Variants in SPOCK1 observed in about 807,000 individuals in gnomAD.
SPOCK1 encodes the protein SPARC (osteonectin), cwcv and kazal like domains proteoglycan 1, also known as testican-1.
SPOCK1 carries 23 observed loss-of-function variants against 55.3 expected under a neutral mutation model. That is an observed-to-expected ratio of 0.42 (90% confidence interval 0.30 to 0.59). The LOEUF (loss-of-function observed/expected upper bound fraction) is 0.59, where lower values mean the gene tolerates loss of function less well. SPOCK1 is among the 20% of genes least tolerant of loss of function. The pLI, the probability that SPOCK1 is intolerant of heterozygous loss-of-function variation, is 0.22. For synonymous variants in SPOCK1, 226 were observed against 221.0 expected (o/e 1.02, Z -0.20); for missense variants, 499 against 552.5 (o/e 0.90, Z 0.97).
intron 2 of SPOCK1, among the ~76,000 whole-genome samples, chr5:137,307,454 G>A (rs145668110): frequency 2.3e-4 from 35 of 152,316 alleles, no homozygotes; most frequent in African/African-American, 7.7e-4. Flanking sequence ...ACCATCATGA[G>A]CCAATTCAAT....
chr5:137,313,157 C>T (rs1054718328), intron 2 of SPOCK1, among the ~76,000 whole-genome samples: 1 of 152,170 alleles, frequency 6.6e-6, no homozygotes, highest in Non-Finnish European at 1.5e-5. Flanking sequence ...CCCAAAAGTG[C>T]CTGAAATTCC....
intron 4 of SPOCK1, among the ~76,000 whole-genome samples, chr5:137,128,080 A>C (rs979146977): frequency 3.9e-5 from 6 of 152,202 alleles, no homozygotes; most frequent in Non-Finnish European, 7.3e-5. Context: ...TAGGTCATGA[A>C]AGTGGAGACC....
chr5:137,457,699 T>C (rs920378547), intron 2 of SPOCK1, among the ~76,000 whole-genome samples: 10 of 152,126 alleles, frequency 6.6e-5, no homozygotes, highest in African/African-American at 2.4e-4. Context: ...GTGAAAGACA[T>C]TGGAGATGCA....
intron 3 of SPOCK1, among the ~76,000 whole-genome samples, chr5:137,251,902 G>A (rs1033207000): frequency 1.3e-4 from 20 of 152,074 alleles, no homozygotes; most frequent in Non-Finnish European, 2.2e-4. Context: ...AATTAGGATC[G>A]TATTCGACAT....
chr5:137,324,279 T>C (rs1758034040), intron 2 of SPOCK1, among the ~76,000 whole-genome samples: 1 of 152,102 alleles, frequency 6.6e-6, no homozygotes, highest in African/African-American at 2.4e-5. Flanking sequence ...ACCCCATCTC[T>C]ACTAAAAATA....
intron 3 of SPOCK1, among the ~76,000 whole-genome samples, chr5:137,158,065 C>T (rs1438938322): frequency 1.3e-5 from 2 of 151,762 alleles, no homozygotes; most frequent in Non-Finnish European, 2.9e-5. Flanking sequence ...TCCATCCCCC[C>T]AAAAAAAAGA....
chr5:136,988,717 G>T, intron 7 of SPOCK1, 74 bp from the exon 8 acceptor site: 5 of 1,421,566 alleles, frequency 3.5e-6, no homozygotes, highest in Non-Finnish European at 4.7e-6. Context: ...CCAGCTTTCT[G>T]CCCCAAGAAG....
intron 5 of SPOCK1, among the ~76,000 whole-genome samples, chr5:137,090,379 C>A (rs1264039536): frequency 2.6e-5 from 4 of 152,180 alleles, no homozygotes; most frequent in African/African-American, 7.2e-5. Context: ...TTACCCTGGG[C>A]TCTGCCTCTG....
intron 2 of SPOCK1, among the ~76,000 whole-genome samples, chr5:137,361,525 G>C (rs992302672): frequency 7.2e-5 from 11 of 152,258 alleles, no homozygotes; most frequent in African/African-American, 2.6e-4. Context: ...GACACTAGAG[G>C]AAATGCTTTA....
chr5:137,269,868 T>A (rs1232288684), intron 2 of SPOCK1, among the ~76,000 whole-genome samples: 1 of 152,108 alleles, frequency 6.6e-6, no homozygotes, highest in Non-Finnish European at 1.5e-5. Flanking sequence ...ATACCAAGGC[T>A]GGGCATTTCA....
intron 5 of SPOCK1, among the ~76,000 whole-genome samples, chr5:137,082,731 G>A (rs879573795): frequency 5.9e-5 from 9 of 152,264 alleles, no homozygotes; most frequent in East Asian, 3.9e-4. Flanking sequence ...GCTGGGCCTC[G>A]GCCCACAGAG....
chr5:137,259,352 A>G (rs1421813377), intron 3 of SPOCK1, among the ~76,000 whole-genome samples: 1 of 152,310 alleles, frequency 6.6e-6, no homozygotes, highest in East Asian at 1.9e-4. Flanking sequence ...ACCTGGATGA[A>G]GCTGGAAACC....
At chr5:137,315,390 G>C (rs1003299011) in intron 2 of SPOCK1, among the ~76,000 whole-genome samples, 8 of 152,164 alleles carry the variant, frequency 5.3e-5, no homozygotes. Context: ...GAGAATACAG[G>C]TTCAGCAAAC....
At chr5:137,439,318 C>T (rs1271771064) in intron 2 of SPOCK1, among the ~76,000 whole-genome samples, 1 of 152,154 alleles carries the variant, frequency 6.6e-6, no homozygotes, top group Non-Finnish European at 1.5e-5. Context: ...CCTTCTCTTG[C>T]CCTAGGCTTC....
chr5:137,137,640 T>C (rs1456663170), intron 4 of SPOCK1, among the ~76,000 whole-genome samples: 2 of 152,148 alleles, frequency 1.3e-5, no homozygotes, highest in Non-Finnish European at 2.9e-5. Flanking sequence ...TTATCAGAAA[T>C]CCCATCATCT....
intron 2 of SPOCK1, among the ~76,000 whole-genome samples, chr5:137,383,646 T>G (rs1008810195): frequency 6.6e-6 from 1 of 152,156 alleles, no homozygotes; most frequent in Non-Finnish European, 1.5e-5. Flanking sequence ...GGCACAGGCT[T>G]TGGCCAAATA....
chr5:137,278,884 C>T (rs1409639005), intron 2 of SPOCK1, among the ~76,000 whole-genome samples: 2 of 152,094 alleles, frequency 1.3e-5, no homozygotes, highest in Admixed American at 1.3e-4. Context: ...CATGAGTCCC[C>T]AGATAGTAGT....
intron 3 of SPOCK1, among the ~76,000 whole-genome samples, chr5:137,192,532 T>G (rs1755203352): frequency 6.6e-6 from 1 of 152,214 alleles, no homozygotes; most frequent in Non-Finnish European, 1.5e-5. Context: ...GGCATCTGCC[T>G]GTGTGGGCTG....
intron 5 of SPOCK1, among the ~76,000 whole-genome samples, chr5:137,071,376 G>A (rs1434280203): frequency 6.6e-6 from 1 of 152,156 alleles, no homozygotes; most frequent in Non-Finnish European, 1.5e-5. Flanking sequence ...AAAACTGGCA[G>A]GGGAGGGGAC....
Sources: gnomAD v4.1 joint callset for allele counts (sites outside exome capture counted in the v4.1 genomes callset) on GRCh38, gnomAD v4.1.1 for gene constraint, MANE v1.5 for transcripts, NCBI Gene and HGNC (gene_info 2026-07-23, HGNC 2026-07-21) for gene names.